MPP4: variants seen among roughly 807,000 people sequenced by gnomAD.
The protein encoded by MPP4 is MAGUK p55 subfamily member 4.
A neutral mutation model predicts 98.3 loss-of-function variants in MPP4; 91 were observed. The observed-to-expected ratio is 0.93, with a 90% CI of 0.78 to 1.10. The LOEUF is 1.10. Ranked by LOEUF, MPP4 falls within the 50% of genes least tolerant of loss-of-function variation. The pLI is 0.00. For synonymous variants in MPP4, 261 were observed against 271.8 expected (o/e 0.96, Z 0.39); for missense variants, 744 against 792.9 (o/e 0.94, Z 0.74).
intron 2 of MPP4, 132 bp downstream of exon 2, chr2:201,693,744 G>A: frequency 1.8e-6 from 2 of 1,090,566 alleles, no homozygotes; most frequent in South Asian, 1.4e-5. Context: ...TAGGGCAGTA[G>A]TGCAACCAAA....
At chr2:201,662,074 C>G (rs557250487) in intron 14 of MPP4, 1 of 382,960 alleles carries the variant, frequency 2.6e-6, no homozygotes, top group East Asian at 8.8e-5. Context: ...TCATCTGTCT[C>G]AATGCTTTCT....
chr2:201,656,409 A>G, intron 16 of MPP4, 41 bp from the exon 17 acceptor site: 1 of 1,511,904 alleles, frequency 6.6e-7, no homozygotes, highest in Non-Finnish European at 8.9e-7. Flanking sequence ...ACCAGGCAGG[A>G]GAGATCACTT....
intron 16 of MPP4, among the ~76,000 whole-genome samples, chr2:201,657,968 T>TG (rs1687907552): frequency 1.3e-5 from 2 of 151,106 alleles, no homozygotes; most frequent in Non-Finnish European, 3.0e-5. Context: ...TTTTTTTTTT[T>TG]GTTTTTTTTT....
intron 12 of MPP4, among the ~76,000 whole-genome samples, chr2:201,667,176 C>T (rs550455581): frequency 6.6e-6 from 1 of 152,260 alleles, no homozygotes; most frequent in South Asian, 2.1e-4. Flanking sequence ...ACTACTTATC[C>T]TAATTCTCAA....
chr2:201,690,413 T>C, intron 3 of MPP4, 134 bp from the exon 4 acceptor site: 1 of 517,790 alleles, frequency 1.9e-6, no homozygotes, highest in South Asian at 3.5e-5. Flanking sequence ...GGTTGGTGTT[T>C]AGTAAGTTGT....
At chr2:201,666,065 T>C (rs1465655569) in intron 13 of MPP4, 1 of 303,480 alleles carries the variant, frequency 3.3e-6, no homozygotes, top group East Asian at 5.5e-5. Context: ...CCATCGGATA[T>C]GCTGAGAGTT....
chr2:201,657,538 C>T (rs1007447033), intron 16 of MPP4, among the ~76,000 whole-genome samples: 16 of 150,492 alleles, frequency 1.1e-4, no homozygotes, highest in African/African-American at 3.7e-4. Flanking sequence ...TTCTAGACTT[C>T]CCCTTTCCAT....
In MPP4 at chr2:201,652,098, A is replaced by C. The variant is rs557727942; in HGVS notation, c.1382-1933T>G. ...CACAGCCTATAGCATGCGATCATAAAGCAACTTCTTGGTCTCCCACAGCCC... is the reference window on the plus strand; with the variant it reads ...CACAGCCTATAGCATGCGATCATAACGCAACTTCTTGGTCTCCCACAGCCC... On this transcript the variant is annotated intron_variant, in intron 18 of 21. Coordinates refer to ENST00000409474, the MANE Select transcript of MPP4 (RefSeq NM_033066.3). The C allele has an allele frequency of 1.6e-3, 1,250 of 766,012 alleles. 1 individual carries two copies. Among genetic ancestry groups the C allele is most frequent in the Non-Finnish European group, 1.9e-3 (1,185 of 629,670 alleles). 47.5% of individuals were successfully genotyped at this position (766,012 alleles called of 1,614,324 possible).
intron 21 of MPP4, among the ~76,000 whole-genome samples, chr2:201,646,327 GTTATA>G (rs1229815240): frequency 2.6e-5 from 4 of 152,138 alleles, no homozygotes; most frequent in Non-Finnish European, 5.9e-5. Flanking sequence ...GTATAAGCCA[GTTATA>G]TTATGTTTCT....
chr2:201,663,582 G>A (rs528291000), intron 14 of MPP4, among the ~76,000 whole-genome samples: 23 of 152,300 alleles, frequency 1.5e-4, no homozygotes, highest in African/African-American at 4.6e-4. Flanking sequence ...CACGCATGGT[G>A]GCATGGGACT....
intron 13 of MPP4, chr2:201,666,129 G>T: frequency 2.3e-6 from 1 of 434,644 alleles, no homozygotes. Context: ...ACATTTTCTA[G>T]TAGATCAGTG....
At chr2:201,648,230 C>A (rs1687619903) in intron 20 of MPP4, among the ~76,000 whole-genome samples, 1 of 152,154 alleles carries the variant, frequency 6.6e-6, no homozygotes, top group Admixed American at 6.5e-5. Flanking sequence ...ACTATGTTGC[C>A]CAGACTGGTC....
chr2:201,672,632 A>T (rs767387752), intron 11 of MPP4, among the ~76,000 whole-genome samples: 2 of 152,244 alleles, frequency 1.3e-5, no homozygotes, highest in African/African-American at 2.4e-5. Flanking sequence ...ACCTCTATGC[A>T]AATAAACTAG....
At chr2:201,691,233 T>C (rs183576047) in intron 3 of MPP4, among the ~76,000 whole-genome samples, 11 of 152,344 alleles carry the variant, frequency 7.2e-5, no homozygotes, top group Admixed American at 3.3e-4. Flanking sequence ...ACAGGTGCTA[T>C]GAGGAGTACT....
At chr2:201,693,793 C>A in intron 2 of MPP4, 83 bp downstream of exon 2, 1 of 1,524,024 alleles carries the variant, frequency 6.6e-7, no homozygotes, top group Non-Finnish European at 9.1e-7. Flanking sequence ...GTAAGTCTGT[C>A]AGGATTTCTG....
At chr2:201,650,709 TACA>T (rs1159593634) in intron 18 of MPP4, 17 of 985,312 alleles carry the variant, frequency 1.7e-5, no homozygotes, top group African/African-American at 3.5e-5. Context: ...GAGTGTTTTT[TACA>T]ACAATAGATT....
chr2:201,660,373 A>G (rs369483004), intron 14 of MPP4, 27 bp from the exon 15 acceptor site: 33 of 1,613,148 alleles, frequency 2.0e-5, no homozygotes, highest in East Asian at 8.9e-5. Flanking sequence ...GTGCAGAAAC[A>G]GACATGAAAA....
intron 1 of MPP4, among the ~76,000 whole-genome samples, chr2:201,695,713 A>G (rs577063223): frequency 1.1e-4 from 16 of 152,174 alleles, no homozygotes; most frequent in Non-Finnish European, 1.6e-4. Flanking sequence ...GGCCCCTGTT[A>G]GAGCCAACAG....
At chr2:201,660,612 G>C (rs1280518086) in intron 14 of MPP4, among the ~76,000 whole-genome samples, 1 of 152,116 alleles carries the variant, frequency 6.6e-6, no homozygotes, top group African/African-American at 2.4e-5. Context: ...TTTAACTCAG[G>C]AAGACTCTAC....
Sources: gnomAD v4.1 joint callset for allele counts (sites outside exome capture counted in the v4.1 genomes callset) on GRCh38, gnomAD v4.1.1 for gene constraint, MANE v1.5 for transcripts, NCBI Gene and HGNC (gene_info 2026-07-23, HGNC 2026-07-21) for gene names.